TNS1: variants seen among roughly 807,000 people sequenced by gnomAD.
TNS1 encodes the protein tensin 1.
TNS1 carries 62 observed loss-of-function variants against 168.6 expected under a neutral mutation model. The observed-to-expected ratio is 0.37, with a 90% CI of 0.30 to 0.45. The LOEUF is 0.45. Among genes scored for constraint, TNS1 ranks in the 20% least tolerant of loss-of-function variants. The probability of loss-of-function intolerance (pLI) is 1.00; values close to 1 mark genes in which losing one functional copy is unlikely to be tolerated. For missense variants in TNS1, 2,240 were observed against 2,339.4 expected (o/e 0.96, Z 0.88); for synonymous variants, 934 against 933.2 (o/e 1.00, Z -0.02).
At chr2:217,960,984 C>A (rs1159254747) in intron 3 of TNS1, among the ~76,000 whole-genome samples, 2 of 152,086 alleles carry the variant, frequency 1.3e-5, no homozygotes, top group African/African-American at 2.4e-5. Context: ...GATGCCAAGG[C>A]CCCATCAGTG....
chr2:217,900,708 G>A (rs1236867422), intron 6 of TNS1, 196 bp from the exon 7 acceptor site: 13 of 618,372 alleles, frequency 2.1e-5, no homozygotes, highest in Middle Eastern at 3.9e-4. Context: ...ACGTGAGTGT[G>A]CCTGCCTGTG....
intron 28 of TNS1, among the ~76,000 whole-genome samples, chr2:217,811,843 A>G (rs569018908): frequency 6.6e-6 from 1 of 152,324 alleles, no homozygotes; most frequent in East Asian, 1.9e-4. Context: ...CAATCAAAAC[A>G]GGACTTGCTC....
chr2:217,924,348 C>A (rs774742338), intron 3 of TNS1, among the ~76,000 whole-genome samples: 23 of 152,206 alleles, frequency 1.5e-4, no homozygotes, highest in Admixed American at 3.9e-4. Flanking sequence ...ACACAATATT[C>A]TCTCTCCCAC....
chr2:217,814,067 T>C, intron 25 of TNS1: 2 of 302,772 alleles, frequency 6.6e-6, no homozygotes, highest in Non-Finnish European at 1.2e-5. Flanking sequence ...AGTGGCACAA[T>C]CATGGCTCAC....
chr2:218,019,579 G>A (rs899323122), intron 1 of TNS1, among the ~76,000 whole-genome samples: 2 of 152,182 alleles, frequency 1.3e-5, no homozygotes, highest in Non-Finnish European at 2.9e-5. Context: ...AGGCCCTTAG[G>A]CCTCCTCATG....
chr2:218,020,552 A>G (rs948783415), intron 1 of TNS1, among the ~76,000 whole-genome samples: 5 of 151,488 alleles, frequency 3.3e-5, no homozygotes, highest in Non-Finnish European at 7.4e-5. Flanking sequence ...AGAGCCCCCA[A>G]AGGCTGAGGA....
intron 18 of TNS1, among the ~76,000 whole-genome samples, chr2:217,877,532 C>T (rs1950300644): frequency 6.6e-6 from 1 of 152,186 alleles, no homozygotes; most frequent in South Asian, 2.1e-4. Flanking sequence ...TTTGGCAGGC[C>T]CCCTCCCTCT....
chr2:217,858,700 A>ACACACACACACACACACACACACACACAC (rs1212064824), intron 18 of TNS1: 1 of 188,238 alleles, frequency 5.3e-6, no homozygotes, highest in African/African-American at 2.6e-5. Context: ...ACACACACAC[A>ACACACACACACACACACACACACACACAC]CCCCACTCCC....
At chr2:217,847,048 A>G (rs1310110350) in intron 19 of TNS1, among the ~76,000 whole-genome samples, 1 of 152,226 alleles carries the variant, frequency 6.6e-6, no homozygotes, top group African/African-American at 2.4e-5. Context: ...CCAAGGAACT[A>G]AAGTCTGAGG....
intron 18 of TNS1, among the ~76,000 whole-genome samples, chr2:217,852,918 T>C (rs1947691981): frequency 1.3e-5 from 2 of 152,162 alleles, no homozygotes; most frequent in African/African-American, 2.4e-5. Flanking sequence ...GTTGTCCTCT[T>C]CCTATCCAAG....
chr2:218,003,650 C>A (rs1333459411), upstream of TNS1, among the ~76,000 whole-genome samples: 1 of 151,286 alleles, frequency 6.6e-6, no homozygotes, highest in Admixed American at 6.6e-5. Flanking sequence ...TTCTTTCTTT[C>A]TTTCCTGCAA....
intron 22 of TNS1, 67 bp from the exon 23 acceptor site, chr2:217,822,005 A>C (rs1942942002): frequency 6.9e-7 from 1 of 1,458,664 alleles, no homozygotes; most frequent in African/African-American, 1.4e-5. Flanking sequence ...GGTCCCCCCC[A>C]ACCTCCCCTG....
In TNS1 at chr2:217,847,414, C is replaced by T. The variant is rs564374431; in HGVS notation, c.3007+96G>A. 45 of 1,210,654 alleles carry T rather than the reference C, an allele frequency of 3.7e-5. No individual in the cohort carries two copies. The South Asian group carries it at 1.0e-3, about 28-fold the overall frequency. 75.0% of individuals were successfully genotyped at this position (1,210,654 alleles called of 1,614,324 possible). A position where few individuals can be genotyped will look rare whatever the true frequency, so the allele number is the denominator to read the frequency against. On this transcript the variant is annotated intron_variant, in intron 19 of 32. Coordinates refer to ENST00000682258, the MANE Select transcript of TNS1 (RefSeq NM_001387777.1). ...GAGAGCCTCCTCCCACCAGTGAAAG[C>T]AACATCTGCTTAGGGGTCATGGCTG...
intron 12 of TNS1, among the ~76,000 whole-genome samples, chr2:217,887,241 C>T (rs1415563011): frequency 6.6e-6 from 1 of 152,228 alleles, no homozygotes; most frequent in African/African-American, 2.4e-5. Flanking sequence ...CTTGAGTTTA[C>T]TTGGTATTCG....
intron 3 of TNS1, among the ~76,000 whole-genome samples, chr2:217,958,236 C>G (rs1957412584): frequency 6.6e-6 from 1 of 152,016 alleles, no homozygotes; most frequent in Non-Finnish European, 1.5e-5. Flanking sequence ...ATGAAGTGAG[C>G]AGTCGTGTAG....
chr2:217,808,657 C>T lies in TNS1; in HGVS notation c.5288G>A (p.Arg1763His), dbSNP rs779217268. 9 of 1,613,994 alleles carry T rather than the reference C, an allele frequency of 5.6e-6. No individual in the cohort carries two copies. The highest frequency in any genetic ancestry group is 2.2e-5 in the East Asian group (1 of 44,884). ...TDNQRKLFFRRHYPLNTVTFC... is the reference protein window; with the variant it reads ...TDNQRKLFFRHHYPLNTVTFC... ...GGTGACAGTGTTGAGAGGGTAGTGG[C>T]GTCTGAAAAAGAGCCTGCAGCACAG... The change falls in exon 31 of 33, where the codon CGC (arginine) becomes CAC (histidine). Residue 1763 changes from arginine (R) to histidine (H), a missense_variant. Physicochemically the swap from Arg to His is conservative, Grantham distance 29 (BLOSUM62 0). Coordinates refer to ENST00000682258, the MANE Select transcript of TNS1 (RefSeq NM_001387777.1).
At chr2:217,804,995 T>C (rs1326594021) in intron 32 of TNS1, among the ~76,000 whole-genome samples, 5 of 144,774 alleles carry the variant, frequency 3.5e-5, no homozygotes, top group Non-Finnish European at 7.6e-5. Context: ...ACAACACATA[T>C]GCCAATCAGG....
intron 18 of TNS1, among the ~76,000 whole-genome samples, chr2:217,857,393 G>A (rs755906127): frequency 6.6e-6 from 1 of 152,196 alleles, no homozygotes; most frequent in Non-Finnish European, 1.5e-5. Context: ...CCTATTCAGT[G>A]CTCTTGTCCC....
In TNS1 at chr2:217,948,896, G is replaced by T. The variant is rs371436868; in HGVS notation, c.187-28660C>A. ...CCCTTTGCTGCACATCCCCACCTCG[G>T]GAAGGAGAAGTGCTGGGCTTTCCAC... On this transcript the variant is annotated intron_variant, in intron 3 of 32. Transcript: ENST00000682258. This position sits in a 1 kb window ranked among gnomAD's most constrained non-coding sequence, Gnocchi z 4.1. 3.3e-5 allele frequency among the ~76,000 whole-genome samples: 5 copies of T among 151,014 alleles called. No individual in the cohort carries two copies. The highest frequency in any genetic ancestry group is 7.4e-5 in the African/African-American group (3 of 40,750).
Sources: allele counts gnomAD v4.1 joint callset (sites outside exome capture counted in the v4.1 genomes callset), GRCh38; gene constraint gnomAD v4.1.1; non-coding constraint Gnocchi (gnomAD v3.1); transcripts MANE v1.5; gene names NCBI Gene and HGNC (gene_info 2026-07-23, HGNC 2026-07-21).